Variants in CPNE5 observed in about 807,000 individuals in gnomAD.
CPNE5 encodes copine-5.
Under a neutral mutation model 81.1 loss-of-function variants are expected in CPNE5, and 42 were observed. That is an observed-to-expected ratio of 0.52 (90% CI 0.40 to 0.67). The LOEUF is 0.67. CPNE5 is among the 30% of genes least tolerant of loss of function. The probability of loss-of-function intolerance (pLI) is 0.00; values close to 1 mark genes in which losing one functional copy is unlikely to be tolerated. For missense variants in CPNE5, 612 were observed against 815.5 expected (o/e 0.75, Z 3.04); for synonymous variants, 313 against 321.5 (o/e 0.97, Z 0.28).
chr6:36,783,378 TAAAAA>T (rs36056853), intron 8 of CPNE5, among the ~76,000 whole-genome samples: 7 of 118,476 alleles, frequency 5.9e-5, no homozygotes, highest in Non-Finnish European at 8.8e-5. Flanking sequence ...GCAGTAAAAG[TAAAAA>T]AAAAAAAAAA....
chr6:36,752,995 CT>C (rs1195399297), intron 14 of CPNE5, 38 bp downstream of exon 14: 1 of 1,543,996 alleles, frequency 6.5e-7, no homozygotes. Flanking sequence ...CCCTTTCCCT[CT>C]CCCCAAGGCC....
In CPNE5 at chr6:36,794,586, G is replaced by A. The variant is rs369919746; in HGVS notation, c.464+4C>T. The A allele has an allele frequency of 1.5e-5, 25 of 1,613,764 alleles. No homozygotes were observed. The highest frequency in any genetic ancestry group is 1.7e-5 in the Non-Finnish European group (20 of 1,179,826). ...TCCAGGGCCAGAGATGTCTGGCAACGTACCCGTTGGACACAGCTGGCATGG... is the reference window on the plus strand; with the variant it reads ...TCCAGGGCCAGAGATGTCTGGCAACATACCCGTTGGACACAGCTGGCATGG... On this transcript the variant is annotated splice_donor_region_variant and intron_variant, in intron 7 of 20. Coordinates refer to ENST00000244751, the MANE Select transcript of CPNE5 (RefSeq NM_020939.2).
Position 36,778,931 on chromosome 6 carries a change from G to A in CPNE5, c.555C>T (p.Ala185=). ...AGAAATCTTTCTTGTCCAGCTTGTT[G>A]GCACAGAACTGCATGGTGGCGACAT... ...CRDVATMQFC[A]NKLDKKDFFG... Residue 185 remains alanine, a synonymous_variant, in exon 9 of 21, where the codon GCC becomes GCT. Coordinates refer to ENST00000244751, the MANE Select transcript of CPNE5 (RefSeq NM_020939.2). 1.3e-5 allele frequency: 21 copies of A among 1,604,102 alleles called. No individual in the cohort carries two copies. Among genetic ancestry groups the A allele is most frequent in the Non-Finnish European group, 1.8e-5 (21 of 1,171,486 alleles).
At chr6:36,752,697 A>T in intron 14 of CPNE5, 1 of 193,122 alleles carries the variant, frequency 5.2e-6, no homozygotes, top group Non-Finnish European at 1.1e-5. Flanking sequence ...GGGCCTCCTG[A>T]CTCCTATTGC....
chr6:36,746,443 C>G lies in CPNE5; in HGVS notation c.1153G>C (p.Gly385Arg), dbSNP rs779047668. The G allele has an allele frequency of 6.2e-7, 1 of 1,613,250 alleles. No individual in the cohort carries two copies. Among genetic ancestry groups the G allele is most frequent in the South Asian group, 1.1e-5 (1 of 91,006 alleles). ...SDKMFPALGF[G>R]AKLPPDGRVS... ...CTGCCATCCGGGGGCAGCTTGGCCC[C>G]GAAGCCCAGGGCAGGGAACATCTTG... Residue 385 changes from glycine to arginine, a missense_variant, in exon 16 of 21, where the codon GGG becomes CGG. Coordinates refer to ENST00000244751, the MANE Select transcript of CPNE5 (RefSeq NM_020939.2). The surrounding 1 kb of genome is among the most constrained non-coding windows in gnomAD (Gnocchi z 4.5).
At chr6:36,769,244 T>C (rs570235899) in intron 10 of CPNE5, among the ~76,000 whole-genome samples, 3 of 152,304 alleles carry the variant, frequency 2.0e-5, no homozygotes, top group African/African-American at 4.8e-5. Flanking sequence ...AATAATACCG[T>C]CATTCTACAA....
intron 3 of CPNE5, among the ~76,000 whole-genome samples, chr6:36,804,817 G>A (rs1273575237): frequency 6.6e-6 from 1 of 152,148 alleles, no homozygotes; most frequent in African/African-American, 2.4e-5. Context: ...AACAGGACAC[G>A]GAGGGGAACT....
At chr6:36,785,204 C>T (rs1006792071) in intron 8 of CPNE5, among the ~76,000 whole-genome samples, 4 of 152,156 alleles carry the variant, frequency 2.6e-5, no homozygotes, top group South Asian at 2.1e-4. Flanking sequence ...TCTGCTCTGG[C>T]ATCTTAGACC....
At chr6:36,796,961 A>G (rs1292896783) in intron 6 of CPNE5, among the ~76,000 whole-genome samples, 1 of 152,122 alleles carries the variant, frequency 6.6e-6, no homozygotes, top group East Asian at 1.9e-4. Context: ...CCCAGGTTGG[A>G]GTACAGTAGC....
chr6:36,748,352 C>A, intron 14 of CPNE5, 85 bp from the exon 15 acceptor site: 5 of 1,212,886 alleles, frequency 4.1e-6, no homozygotes, highest in Non-Finnish European at 6.1e-6. Context: ...TGGCTACCAC[C>A]CTGGCTCTGC....
chr6:36,793,975 G>T (rs1769330554), intron 7 of CPNE5, among the ~76,000 whole-genome samples: 1 of 152,240 alleles, frequency 6.6e-6, no homozygotes, highest in Non-Finnish European at 1.5e-5. Flanking sequence ...GAAAGAAGGG[G>T]AGGGAAGGAG....
At chr6:36,830,719 G>T (rs1473560674) in intron 1 of CPNE5, among the ~76,000 whole-genome samples, 1 of 152,192 alleles carries the variant, frequency 6.6e-6, no homozygotes, top group Non-Finnish European at 1.5e-5. Context: ...GCCCTGACAA[G>T]GTGCTTCATC....
intron 3 of CPNE5, among the ~76,000 whole-genome samples, chr6:36,800,649 C>G (rs528521595): frequency 6.6e-6 from 1 of 152,216 alleles, no homozygotes; most frequent in Non-Finnish European, 1.5e-5. Flanking sequence ...TCCTCTCGAA[C>G]GTGGGCTGGA....
intron 1 of CPNE5, among the ~76,000 whole-genome samples, chr6:36,837,589 G>A (rs749002636): frequency 6.6e-6 from 1 of 152,170 alleles, no homozygotes; most frequent in Non-Finnish European, 1.5e-5. Context: ...TGTGGCCCAG[G>A]CTGAGTACCT....
intron 12 of CPNE5, among the ~76,000 whole-genome samples, chr6:36,761,877 CG>C (rs1766057458): frequency 1.3e-5 from 2 of 151,992 alleles, no homozygotes; most frequent in Non-Finnish European, 2.9e-5. Flanking sequence ...CAAGAAAGCA[CG>C]GGGACAAGAG....
intron 12 of CPNE5, among the ~76,000 whole-genome samples, chr6:36,762,281 C>CACATACAT (rs1307866320): frequency 1.4e-5 from 2 of 146,792 alleles, no homozygotes; most frequent in African/African-American, 5.2e-5. Flanking sequence ...TACACACACA[C>CACATACAT]GCACGCGCAC....
intron 3 of CPNE5, among the ~76,000 whole-genome samples, chr6:36,818,722 T>C (rs904757588): frequency 3.3e-5 from 5 of 152,158 alleles, no homozygotes; most frequent in Admixed American, 6.5e-5. Flanking sequence ...CAAGCACAGG[T>C]GTATTCCACA....
chr6:36,747,255 C>A (rs964981362), intron 15 of CPNE5, among the ~76,000 whole-genome samples: 1 of 78,546 alleles, frequency 1.3e-5, no homozygotes, highest in Non-Finnish European at 3.2e-5. Context: ...CTTGATTTCC[C>A]CCCCCAGAGC....
chr6:36,827,839 A>G, intron 1 of CPNE5: 1 of 798,692 alleles, frequency 1.3e-6, no homozygotes, highest in African/African-American at 1.9e-5. Flanking sequence ...TTTGGAGAGC[A>G]CAAAGAGAAA....
Sources: allele counts gnomAD v4.1 joint callset (sites outside exome capture counted in the v4.1 genomes callset), GRCh38; gene constraint gnomAD v4.1.1; non-coding constraint Gnocchi (gnomAD v3.1); transcripts MANE v1.5; gene names NCBI Gene and HGNC (gene_info 2026-07-23, HGNC 2026-07-21).